Variants in GSDME observed in about 807,000 individuals in gnomAD.
The protein encoded by GSDME is gasdermin-E.
GSDME carries 44 observed loss-of-function variants against 47.5 expected under a neutral mutation model. The observed-to-expected ratio is 0.93, with a 90% CI of 0.73 to 1.19. The LOEUF (loss-of-function observed/expected upper bound fraction) is 1.19. Ranked by LOEUF, GSDME falls within the 50% of genes most tolerant of loss-of-function variation. GSDME has a pLI of 0.00. For synonymous variants in GSDME, 258 were observed against 252.8 expected, an observed-to-expected ratio of 1.02 and a Z score of -0.20; for missense variants, 663 against 604.2, an observed-to-expected ratio of 1.10 and a Z score of -1.02.
Position 24,708,128 on chromosome 7 carries a change from A to C in GSDME, c.989T>G (p.Val330Gly), listed in dbSNP as rs1789192481. 6.2e-7 allele frequency: 1 copy of C among 1,614,144 alleles called. No individual in the cohort carries two copies. The highest frequency in any genetic ancestry group is 8.5e-7 in the Non-Finnish European group (1 of 1,180,030). ...DDELLMVLEP[V>G]CDDLVSGLSP... is the part of the protein sequence containing the mutation. ...GCCTTGAGATGTCTCAGGGCTCACC[A>C]CTGGTTCCAGGACCATGAGTAGTTC... is the stretch of plus-strand genomic sequence containing the variant. The change falls in exon 7 of 10, where the codon GTG becomes GGG. Residue 330 changes from valine to glycine, a missense_variant and splice_region_variant. Transcript: ENST00000645220.
intron 3 of GSDME, among the ~76,000 whole-genome samples, chr7:24,743,669 T>C (rs1184572028): frequency 1.3e-5 from 2 of 152,056 alleles, no homozygotes; most frequent in East Asian, 3.9e-4. Context: ...TTTCCTGCCC[T>C]CCCCTTGCTC....
At chr7:24,700,347 C>T (rs185204023) in intron 9 of GSDME, among the ~76,000 whole-genome samples, 20 of 152,012 alleles carry the variant, frequency 1.3e-4, no homozygotes, top group East Asian at 1.9e-4. Context: ...GATCTGTACC[C>T]GTAATATTTT....
intron 8 of GSDME, 56 bp downstream of exon 8, chr7:24,706,128 A>C: frequency 6.3e-7 from 1 of 1,596,698 alleles, no homozygotes; most frequent in Non-Finnish European, 8.6e-7. Flanking sequence ...CATAGATAGT[A>C]GGCAAAGCAT....
In GSDME at chr7:24,726,804, T is replaced by C. The variant is rs1267879017; in HGVS notation, c.405-7586A>G. Among the ~76,000 whole-genome samples the C allele has an allele frequency of 1.1e-5, 1 of 92,300 alleles. No individual in the cohort carries two copies. The highest frequency in any genetic ancestry group is 2.0e-5 in the Non-Finnish European group (1 of 49,332). The allele number at this position is 92,300 out of a possible 152,430, so 60.6% of individuals were successfully genotyped here. ...CCGGGGGACAGAGCGAGACTCCGTCTCAAAAAAAAAAAAAAAAAACCAATG... is the reference window on the plus strand; with the variant it reads ...CCGGGGGACAGAGCGAGACTCCGTCCCAAAAAAAAAAAAAAAAAACCAATG... On this transcript the variant is annotated intron_variant, in intron 3 of 9. Transcript: ENST00000645220. This position sits in a 1 kb window ranked among gnomAD's most constrained non-coding sequence, Gnocchi z 5.6.
rs1301856919 is a variant in GSDME, at chr7:24,724,263, C to T, written c.405-5045G>A. ...AAGTACTTGCTCTTTTTATTGGTGC[C>T]TAGCCCTGTGCTATCCACCCAGCTG... On this transcript the variant is annotated intron_variant, in intron 3 of 9. Transcript: ENST00000645220. The surrounding 1 kb of genome is among the most constrained non-coding windows in gnomAD (Gnocchi z 4.8). Among the ~76,000 whole-genome samples, 2 of 151,988 alleles carry T rather than the reference C, an allele frequency of 1.3e-5. No individual in the cohort carries two copies. The highest frequency in any genetic ancestry group is 2.9e-5 in the Non-Finnish European group (2 of 68,022).
the GSDME span, among the ~76,000 whole-genome samples, chr7:24,765,653 T>C: frequency 1.3e-5 from 2 of 152,376 alleles, no homozygotes; most frequent in East Asian, 3.8e-4. Context: ...TCTGAACCTA[T>C]TCTGGTTCTG....
Position 24,729,802 on chromosome 7 carries a change from TC to T in GSDME, c.405-10585del, listed in dbSNP as rs916350468. Among the ~76,000 whole-genome samples the T allele has an allele frequency of 6.9e-4, 105 of 152,194 alleles. 1 individual carries two copies. Among genetic ancestry groups the T allele is most frequent in the African/African-American group, 2.5e-3 (104 of 41,514 alleles). On this transcript the variant is annotated intron_variant, in intron 3 of 9. Transcript: ENST00000645220. ...TGTTGCACAGAGGAGCCTGTGGGCA[TC>T]CTCCTAGGACAGGGGAGAGCACAGA...
At chr7:24,740,342 G>A (rs891160317) in intron 3 of GSDME, among the ~76,000 whole-genome samples, 13 of 151,918 alleles carry the variant, frequency 8.6e-5, no homozygotes, top group Non-Finnish European at 1.9e-4. Flanking sequence ...AATAAAAATA[G>A]AAAGAATGAA....
chr7:24,718,456 C>T (rs762709715), intron 4 of GSDME, among the ~76,000 whole-genome samples: 2 of 152,202 alleles, frequency 1.3e-5, no homozygotes, highest in Non-Finnish European at 2.9e-5. Context: ...TCTTACCTGC[C>T]CTAACTCAAC....
chr7:24,720,705 C>T (rs898134444), intron 3 of GSDME, among the ~76,000 whole-genome samples: 15 of 152,168 alleles, frequency 9.9e-5, no homozygotes, highest in African/African-American at 3.1e-4. Flanking sequence ...CACCTGAGGT[C>T]GGGAGTTCGA....
At chr7:24,701,059 C>A (rs1180468973) in intron 9 of GSDME, among the ~76,000 whole-genome samples, 1 of 152,174 alleles carries the variant, frequency 6.6e-6, no homozygotes. Context: ...GCACTGTACT[C>A]CCAAAAGCCC....
At chr7:24,751,219 A>C (rs1790848485) in intron 1 of GSDME, among the ~76,000 whole-genome samples, 2 of 152,260 alleles carry the variant, frequency 1.3e-5, no homozygotes, top group Admixed American at 6.5e-5. Context: ...TAAACCATTC[A>C]CAATACACAA....
At position 24,719,035 on chromosome 7, in the gene GSDME, G is replaced by A. The variant is rs756084267; in HGVS notation, c.576+12C>T. The A allele has an allele frequency of 2.8e-5, 45 of 1,611,520 alleles. No homozygotes were observed. The highest frequency in any genetic ancestry group is 1.9e-4 in the South Asian group (17 of 90,934). On this transcript the variant is annotated intron_variant, in intron 4 of 9. Transcript: ENST00000645220. Reference sequence around the variant, plus strand: ...CTCAGCCATGAACGCAGGGCAGCCCGACTGCACGCACCTGCACCGTCTTGG... The same window carrying A: ...CTCAGCCATGAACGCAGGGCAGCCCAACTGCACGCACCTGCACCGTCTTGG...
chr7:24,782,225 C>T, the GSDME span, among the ~76,000 whole-genome samples: 1 of 124,832 alleles, frequency 8.0e-6, no homozygotes, highest in South Asian at 2.8e-4. Flanking sequence ...CCTCCCCCCA[C>T]CCCACAACAG....
the GSDME span, among the ~76,000 whole-genome samples, chr7:24,772,951 C>G: frequency 3.3e-5 from 5 of 151,938 alleles, no homozygotes; most frequent in East Asian, 9.6e-4. The surrounding 1 kb of genome is among the most constrained non-coding windows in gnomAD (Gnocchi z 4.5). Flanking sequence ...AATGAGACAC[C>G]CAATAGCATT....
At chr7:24,750,557 G>A (rs531132056) in intron 1 of GSDME, among the ~76,000 whole-genome samples, 2 of 152,312 alleles carry the variant, frequency 1.3e-5, no homozygotes, top group African/African-American at 2.4e-5. Context: ...AAACTGCAGT[G>A]AGCCATGATC....
chr7:24,725,775 G>C lies in GSDME; in HGVS notation c.405-6557C>G, dbSNP rs1252454125. Among the ~76,000 whole-genome samples, 3 of 152,184 alleles carry C rather than the reference G, an allele frequency of 2.0e-5. No individual in the cohort carries two copies. The highest frequency in any genetic ancestry group is 2.0e-4 in the Admixed American group (3 of 15,300). On this transcript the variant is annotated intron_variant, in intron 3 of 9. Coordinates refer to ENST00000645220, the MANE Select transcript of GSDME (RefSeq NM_001127453.2). This position sits in a 1 kb window ranked among gnomAD's most constrained non-coding sequence, Gnocchi z 5.1. ...CGACCAGGCCCAGGGTGTGACGCCG[G>C]GCTGTCTGCTTGTGGATTTCATTTC...
At position 24,711,482 on chromosome 7, in the gene GSDME, G is replaced by T. The variant is rs1048121417; in HGVS notation, c.698-1094C>A. Among the ~76,000 whole-genome samples, 3 of 152,010 alleles carry T rather than the reference G, an allele frequency of 2.0e-5. No individual in the cohort carries two copies. In the East Asian group the frequency reaches 5.8e-4, roughly 30 times the overall value. ...CTACCTCAGCCTCCCAAAGTGCTGG[G>T]ATTACAGGTGTGAGCCACTGCTCCA... On this transcript the variant is annotated intron_variant, in intron 5 of 9. Coordinates refer to ENST00000645220, the MANE Select transcript of GSDME (RefSeq NM_001127453.2).
In GSDME at chr7:24,725,036, C is replaced by G. The variant is rs2521759; in HGVS notation, c.405-5818G>C. Among the ~76,000 whole-genome samples, 90,875 of 152,082 alleles carry G rather than the reference C, an allele frequency of 0.6. 28,653 individuals are homozygous for G. The highest frequency in any genetic ancestry group is 0.99 in the East Asian group (5,129 of 5,182). On this transcript the variant is annotated intron_variant, in intron 3 of 9. Coordinates refer to ENST00000645220, the MANE Select transcript of GSDME (RefSeq NM_001127453.2). The surrounding 1 kb of genome is among the most constrained non-coding windows in gnomAD (Gnocchi z 5.1). ...GACTGGAAGCTTCTGGAGGCCTCAC[C>G]AAGAGCAGATGCTGGCACCATGCTT...
Sources: allele counts gnomAD v4.1 joint callset (sites outside exome capture counted in the v4.1 genomes callset), GRCh38; gene constraint gnomAD v4.1.1; non-coding constraint Gnocchi (gnomAD v3.1); transcripts MANE v1.5; gene names NCBI Gene and HGNC (gene_info 2026-07-23, HGNC 2026-07-21).